The following ZDHHC13 variants were observed in gnomAD, a reference collection of about 807,000 sequenced individuals.
The protein encoded by ZDHHC13 is zDHHC palmitoyltransferase 13, also known as palmitoyltransferase ZDHHC13.
Under a neutral mutation model 86.0 loss-of-function variants are expected in ZDHHC13, and 85 were observed. The ratio of observed to expected loss-of-function variants is 0.99; its 90% CI spans 0.83 to 1.18. The LOEUF (loss-of-function observed/expected upper bound fraction) is 1.18, where lower values mean the gene tolerates loss of function less well. Among genes scored for constraint, ZDHHC13 ranks in the 50% most tolerant of loss-of-function variants. The pLI, the probability that ZDHHC13 is intolerant of heterozygous loss-of-function variation, is 0.00. For synonymous variants in ZDHHC13, 263 were observed against 246.4 expected, an observed-to-expected ratio of 1.07 and a Z score of -0.63; for missense variants, 711 against 730.2, an observed-to-expected ratio of 0.97 and a Z score of 0.30.
chr11:19,117,421 C>T lies in ZDHHC13; in HGVS notation c.27+145C>T. 2 of 835,124 alleles carry T rather than the reference C, an allele frequency of 2.4e-6. No homozygotes were observed. The highest frequency in any genetic ancestry group is 3.5e-6 in the Non-Finnish European group (2 of 578,898). The allele number at this position is 835,124 out of a possible 1,614,324, so 51.7% of individuals were successfully genotyped here. A position where few individuals can be genotyped will look rare whatever the true frequency, so the allele number is the denominator to read the frequency against. ...GGTCTGGGAAGCGGGAGCCTGGAAA[C>T]ACCACGAACGATGCTGGAAATTGTC... On this transcript the variant is annotated intron_variant, in intron 1 of 16. Coordinates refer to ENST00000446113, the MANE Select transcript of ZDHHC13 (RefSeq NM_019028.3). This position sits in a 1 kb window ranked among gnomAD's most constrained non-coding sequence, Gnocchi z 4.2.
chr11:19,159,408 G>A (rs1199721155), intron 10 of ZDHHC13, among the ~76,000 whole-genome samples: 1 of 152,114 alleles, frequency 6.6e-6, no homozygotes, highest in African/African-American at 2.4e-5. Flanking sequence ...TACTAAGACG[G>A]ACTGCATGAA....
chr11:19,144,556 C>G (rs1485434815), intron 2 of ZDHHC13, among the ~76,000 whole-genome samples: 1 of 151,430 alleles, frequency 6.6e-6, no homozygotes, highest in Non-Finnish European at 1.5e-5. Context: ...TTAAAGTTGA[C>G]ATTTAAAAGA....
intron 14 of ZDHHC13, chr11:19,168,871 C>A: frequency 1.0e-6 from 1 of 985,382 alleles, no homozygotes; most frequent in Non-Finnish European, 1.2e-6. Context: ...GTGTCAGCAT[C>A]CTACAAGTTA....
At position 19,149,261 on chromosome 11, in the gene ZDHHC13, T is replaced by A. The variant is rs745483813; in HGVS notation, c.449T>A (p.Phe150Tyr). Reference sequence around the variant, plus strand: ...CCCACTCTTATTGATGGAGAGGGATTCAGCAGCATCCACCTGGCAGTATTG... The same window carrying A: ...CCCACTCTTATTGATGGAGAGGGATACAGCAGCATCCACCTGGCAGTATTG... Reference protein sequence around the residue: ...ADPTLIDGEGFSSIHLAVLFQ... With the variant: ...ADPTLIDGEGYSSIHLAVLFQ... Residue 150 changes from phenylalanine (F) to tyrosine (Y), a missense_variant, in exon 5 of 17, where the codon TTC (phenylalanine) becomes TAC (tyrosine). Transcript: ENST00000446113. The A allele has an allele frequency of 6.2e-7, 1 of 1,606,642 alleles. No individual in the cohort carries two copies. Among genetic ancestry groups the A allele is most frequent in the Admixed American group, 1.7e-5 (1 of 59,322 alleles).
rs1850356865 is a variant in ZDHHC13, at chr11:19,176,068, C to A, written c.*108C>A. ...GAATTCACCTAAGTCCAAAGGAAAA[C>A]ACGTGGTTTTTAAAGCCATTAGGTA... On this transcript the variant is annotated 3_prime_UTR_variant, in exon 17 of 17. Transcript: ENST00000446113. 1.5e-6 allele frequency: 2 copies of A among 1,301,250 alleles called. No homozygotes were observed. Among genetic ancestry groups the A allele is most frequent in the Non-Finnish European group, 2.0e-6 (2 of 989,580 alleles). 80.6% of individuals were successfully genotyped at this position (1,301,250 alleles called of 1,614,324 possible). A position where few individuals can be genotyped will look rare whatever the true frequency, so the allele number is the denominator to read the frequency against.
chr11:19,156,671 A>G (rs889951553), intron 9 of ZDHHC13, among the ~76,000 whole-genome samples: 2 of 152,172 alleles, frequency 1.3e-5, no homozygotes, highest in Admixed American at 1.3e-4. Context: ...TATGGGTGTC[A>G]TGCTTGGATT....
rs761932179 is a variant in ZDHHC13, at chr11:19,163,398, A to G, written c.1204A>G (p.Thr402Ala). The G allele has an allele frequency of 6.2e-7, 1 of 1,604,504 alleles. No individual in the cohort carries two copies. Among genetic ancestry groups the G allele is most frequent in the South Asian group, 1.1e-5 (1 of 88,818 alleles). The change falls in exon 11 of 17, where the codon ACT becomes GCT. Residue 402 changes from threonine (T) to alanine (A), a missense_variant. Coordinates refer to ENST00000446113, the MANE Select transcript of ZDHHC13 (RefSeq NM_019028.3). ...YKTWATDPGF[T>A]KASEEEKKVN... The stretch of plus-strand genomic sequence containing the variant: ...GACTTGGGCAACTGATCCAGGCTTC[A>G]CTAAGGCTTCTGAAGAAGAAAAGAA...
intron 3 of ZDHHC13, among the ~76,000 whole-genome samples, chr11:19,147,391 T>A (rs556460639): frequency 5.9e-5 from 9 of 152,294 alleles, no homozygotes; most frequent in African/African-American, 2.2e-4. Flanking sequence ...ACTAATTACT[T>A]ACATCCTAAG....
At chr11:19,173,125 C>T (rs760664041) in intron 16 of ZDHHC13, among the ~76,000 whole-genome samples, 65 of 152,260 alleles carry the variant, frequency 4.3e-4, no homozygotes, top group Non-Finnish European at 7.9e-4. Flanking sequence ...TTGTTGCTGG[C>T]GTGGAGTTGA....
At chr11:19,166,743 G>T in intron 14 of ZDHHC13, 1 of 165,480 alleles carries the variant, frequency 6.0e-6, no homozygotes, top group East Asian at 1.8e-4. Context: ...AAAGGTCAGT[G>T]GTAGAGAGGT....
Position 19,176,404 on chromosome 11 carries a change from T to G in ZDHHC13, c.*444T>G, listed in dbSNP as rs1024513979. 1 of 152,582 alleles carries G rather than the reference T, an allele frequency of 6.6e-6. No homozygotes were observed. The highest frequency in any genetic ancestry group is 1.9e-4 in the East Asian group (1 of 5,184). The allele number at this position is 152,582 out of a possible 1,614,324, so 9.5% of individuals were successfully genotyped here. A position where few individuals can be genotyped will look rare whatever the true frequency, so the allele number is the denominator to read the frequency against. The stretch of plus-strand genomic sequence containing the variant: ...TTTTGCTTTCACACTTAATAAAAAA[T>G]TTTTTTTTGTAGTTGAGACTTGGTT... On this transcript the variant is annotated 3_prime_UTR_variant, in exon 17 of 17. Transcript: ENST00000446113.
chr11:19,146,450 T>C (rs538180746), intron 3 of ZDHHC13, 147 bp downstream of exon 3: 3 of 1,015,672 alleles, frequency 3.0e-6, no homozygotes, highest in African/African-American at 3.3e-5. Flanking sequence ...ACGTTGGTTA[T>C]TATAAAGTTG....
At chr11:19,150,167 C>T (rs1339093577) in intron 5 of ZDHHC13, among the ~76,000 whole-genome samples, 1 of 152,110 alleles carries the variant, frequency 6.6e-6, no homozygotes, top group Non-Finnish European at 1.5e-5. Context: ...TAAACCTAGA[C>T]CTGTCTTATT....
intron 16 of ZDHHC13, among the ~76,000 whole-genome samples, chr11:19,175,577 T>TG (rs1565046732): frequency 6.6e-6 from 1 of 151,838 alleles, no homozygotes; most frequent in Non-Finnish European, 1.5e-5. Flanking sequence ...GAAGTGATGA[T>TG]GAAAAACCCA....
rs1163756107 is a variant in ZDHHC13, at chr11:19,143,007, T to G, written c.57T>G (p.Pro19=). The change falls in exon 2 of 17, where the codon CCT becomes CCG. Residue 19 remains proline (P), a synonymous_variant. Coordinates refer to ENST00000446113, the MANE Select transcript of ZDHHC13 (RefSeq NM_019028.3). The part of the protein sequence containing the change: ...QCRNHSHGPH[P]PGFGRYGICA... Reference sequence around the variant, plus strand: ...GGAATCACAGCCATGGCCCCCACCCTCCAGGATTTGGTCGATATGGCATCT... The same window carrying G: ...GGAATCACAGCCATGGCCCCCACCCGCCAGGATTTGGTCGATATGGCATCT... 3.1e-6 allele frequency: 5 copies of G among 1,611,112 alleles called. No homozygotes were observed. Among genetic ancestry groups the G allele is most frequent in the Non-Finnish European group, 4.2e-6 (5 of 1,178,542 alleles).
At chr11:19,151,700 A>T (rs1849611866) in intron 6 of ZDHHC13, among the ~76,000 whole-genome samples, 1 of 152,100 alleles carries the variant, frequency 6.6e-6, no homozygotes, top group Non-Finnish European at 1.5e-5. Context: ...ACTTTCTAAG[A>T]TATACAAATA....
intron 10 of ZDHHC13, among the ~76,000 whole-genome samples, chr11:19,161,050 A>T (rs1205013568): frequency 6.6e-6 from 1 of 151,978 alleles, no homozygotes; most frequent in African/African-American, 2.4e-5. Flanking sequence ...AGTAGGTGGC[A>T]TACTTCACCA....
intron 16 of ZDHHC13, among the ~76,000 whole-genome samples, chr11:19,174,107 C>T (rs111889207): frequency 1.6e-4 from 24 of 152,130 alleles, no homozygotes; most frequent in Non-Finnish European, 2.9e-4. Flanking sequence ...GTACTGAACT[C>T]GGTATATACC....
intron 1 of ZDHHC13, among the ~76,000 whole-genome samples, chr11:19,134,388 C>T (rs1044965221): frequency 6.6e-6 from 1 of 152,010 alleles, no homozygotes; most frequent in Non-Finnish European, 1.5e-5. Context: ...AAACATTCTG[C>T]TATAAATATA....
Sources: gnomAD v4.1 joint callset for allele counts (sites outside exome capture counted in the v4.1 genomes callset) on GRCh38, gnomAD v4.1.1 for gene constraint, Gnocchi (gnomAD v3.1) non-coding constraint, MANE v1.5 for transcripts, NCBI Gene and HGNC (gene_info 2026-07-23, HGNC 2026-07-21) for gene names.